Variants in TLR5 observed in about 807,000 individuals in gnomAD.
The protein encoded by TLR5 is toll-like receptor 5.
For missense variants in TLR5, 944 were observed against 999.8 expected, an observed-to-expected ratio of 0.94 and a Z score of 0.75; for synonymous variants, 373 against 384.4, an observed-to-expected ratio of 0.97 and a Z score of 0.35.
At chr1:223,136,644 T>C (rs951663589) in intron 3 of TLR5, among the ~76,000 whole-genome samples, 22 of 152,194 alleles carry the variant, frequency 1.4e-4, no homozygotes, top group African/African-American at 5.3e-4. Context: ...GGACTAAAAG[T>C]GACTTCTGAT....
chr1:223,122,183 T>C (rs1656980888), intron 5 of TLR5, among the ~76,000 whole-genome samples: 2 of 152,144 alleles, frequency 1.3e-5, no homozygotes, highest in Admixed American at 6.5e-5. Context: ...ACATTTAGCA[T>C]TGACACCCCA....
In TLR5 at chr1:223,110,804, T is replaced by C. The variant is rs771610196; in HGVS notation, c.2228A>G (p.Asn743Ser). The C allele has an allele frequency of 5.6e-6, 9 of 1,614,262 alleles. No individual in the cohort carries two copies. Among genetic ancestry groups the C allele is most frequent in the South Asian group, 3.3e-5 (3 of 91,092 alleles). ...DFVPGENRIA[N>S]IQDAIWNSRK... Reference sequence around the variant, plus strand: ...ACTGTTCCAGATGGCATCCTGGATATTGGCAATGCGGTTTTCTCCTGGGAC... The same window carrying C: ...ACTGTTCCAGATGGCATCCTGGATACTGGCAATGCGGTTTTCTCCTGGGAC... The change falls in exon 6 of 6, where the codon AAT (asparagine) becomes AGT (serine). Residue 743 changes from asparagine (N) to serine (S), a missense_variant. Coordinates refer to ENST00000642603, the MANE Select transcript of TLR5 (RefSeq NM_003268.6).
At chr1:223,125,653 T>G (rs1196540210) in intron 5 of TLR5, among the ~76,000 whole-genome samples, 5 of 145,430 alleles carry the variant, frequency 3.4e-5, no homozygotes, top group African/African-American at 1.3e-4. Context: ...GGTGGGGGGG[T>G]GGTGGTGTGC....
chr1:223,110,641 CT>C lies in TLR5; in HGVS notation c.2390del (p.Gln797ArgfsTer4). 1 of 1,614,198 alleles carries C rather than the reference CT, an allele frequency of 6.2e-7. No homozygotes were observed. The highest frequency in any genetic ancestry group is 8.5e-7 in the Non-Finnish European group (1 of 1,180,040). The part of the protein sequence containing the change: ...LIMVVVGSLS[Q>X]YQLMKHQSIR... ...TGGATTGATGTTTCATCAACTGGTA[CT>C]GGGACAAGGACCCAACCACCACCAT... On this transcript the variant is annotated frameshift_variant, in exon 6 of 6. Transcript: ENST00000642603. LOFTEE classifies it low-confidence loss of function (END_TRUNC).
At position 223,110,822 on chromosome 1, in the gene TLR5, C is replaced by G; in HGVS notation, c.2210G>C (p.Gly737Ala). The stretch of plus-strand genomic sequence containing the variant: ...CTGGATATTGGCAATGCGGTTTTCT[C>G]CTGGGACAAAGTCTCTTTCTTCAAA... ...LCFEERDFVPGENRIANIQDA... is the reference protein window; with the variant it reads ...LCFEERDFVPAENRIANIQDA... The change falls in exon 6 of 6, where the codon GGA becomes GCA. Residue 737 changes from glycine (G) to alanine (A), a missense_variant. Coordinates refer to ENST00000642603, the MANE Select transcript of TLR5 (RefSeq NM_003268.6). The G allele has an allele frequency of 6.2e-7, 1 of 1,614,226 alleles. No individual in the cohort carries two copies. The highest frequency in any genetic ancestry group is 1.7e-5 in the Admixed American group (1 of 60,028).
chr1:223,121,332 T>C (rs953978472), intron 5 of TLR5, among the ~76,000 whole-genome samples: 1 of 152,238 alleles, frequency 6.6e-6, no homozygotes, highest in African/African-American at 2.4e-5. Flanking sequence ...GTTACAGCTA[T>C]GAATGTCATT....
At chr1:223,122,198 G>A (rs1656981601) in intron 5 of TLR5, among the ~76,000 whole-genome samples, 2 of 152,104 alleles carry the variant, frequency 1.3e-5, no homozygotes, top group African/African-American at 4.8e-5. Context: ...ACCCCACAGT[G>A]TTCAATAATA....
At chr1:223,114,473 T>C (rs946376372) in intron 5 of TLR5, among the ~76,000 whole-genome samples, 6 of 151,916 alleles carry the variant, frequency 3.9e-5, no homozygotes, top group Admixed American at 6.6e-5. Flanking sequence ...ATGAAAGAAA[T>C]AGGAAGAAGG....
In TLR5 at chr1:223,131,065, C is replaced by T. The variant is rs73118121; in HGVS notation, c.-5+1410G>A. 8.6e-3 allele frequency among the ~76,000 whole-genome samples: 1,308 copies of T among 152,234 alleles called. 14 individuals are homozygous for T. Among genetic ancestry groups the T allele is most frequent in the African/African-American group, 0.03 (1,257 of 41,534 alleles). On this transcript the variant is annotated intron_variant, in intron 5 of 5. Transcript: ENST00000642603. This position sits in a 1 kb window ranked among gnomAD's most constrained non-coding sequence, Gnocchi z 4.2. ...CTGCCTCCCCTCTAGATATGGGAGA[C>T]ACCACCTTGCTAGTCTCCCATAGTA...
intron 5 of TLR5, among the ~76,000 whole-genome samples, chr1:223,121,739 C>T (rs1011872173): frequency 6.6e-6 from 1 of 152,110 alleles, no homozygotes; most frequent in South Asian, 2.1e-4. Context: ...AGAATGGTCT[C>T]GAACTCCTGG....
intron 5 of TLR5, among the ~76,000 whole-genome samples, chr1:223,122,757 C>A (rs1256051009): frequency 6.6e-6 from 1 of 152,158 alleles, no homozygotes; most frequent in South Asian, 2.1e-4. Context: ...CTGATGATAG[C>A]TTTGATCCTT....
At chr1:223,140,026 T>G (rs574460671) in intron 2 of TLR5, among the ~76,000 whole-genome samples, 2 of 152,320 alleles carry the variant, frequency 1.3e-5, no homozygotes, top group South Asian at 4.1e-4. Flanking sequence ...AAAGATCCCT[T>G]AACTCCTATG....
intron 3 of TLR5, among the ~76,000 whole-genome samples, chr1:223,136,679 G>T (rs1657625877): frequency 6.6e-6 from 1 of 152,174 alleles, no homozygotes; most frequent in East Asian, 1.9e-4. Flanking sequence ...GGTCTTCTGA[G>T]TTCAAATCCA....
intron 1 of TLR5, 141 bp downstream of exon 1, chr1:223,143,055 G>A (rs946737495): frequency 6.6e-6 from 1 of 152,130 alleles, no homozygotes; most frequent in Non-Finnish European, 1.5e-5. Context: ...GCGCGAGTTG[G>A]ACATAGACTG....
At chr1:223,124,273 T>G (rs1426615794) in intron 5 of TLR5, among the ~76,000 whole-genome samples, 1 of 151,908 alleles carries the variant, frequency 6.6e-6, no homozygotes, top group Non-Finnish European at 1.5e-5. Flanking sequence ...GTGAAACCTA[T>G]CTCTATTAAA....
At chr1:223,136,110 G>C (rs369574354) in intron 3 of TLR5, among the ~76,000 whole-genome samples, 2 of 152,172 alleles carry the variant, frequency 1.3e-5, no homozygotes, top group Non-Finnish European at 2.9e-5. Context: ...TGGGGGAAGA[G>C]GGGTGGGGTG....
chr1:223,121,082 T>G (rs1342279664), intron 5 of TLR5, among the ~76,000 whole-genome samples: 1 of 152,016 alleles, frequency 6.6e-6, no homozygotes, highest in African/African-American at 2.4e-5. Flanking sequence ...GACCCTGCCT[T>G]GGAAAAAAAA....
chr1:223,133,254 C>T (rs1178982172), intron 4 of TLR5, among the ~76,000 whole-genome samples: 1 of 152,186 alleles, frequency 6.6e-6, no homozygotes, highest in East Asian at 1.9e-4. Context: ...TAAGATCTCA[C>T]ATTTATTACA....
intron 2 of TLR5, among the ~76,000 whole-genome samples, chr1:223,140,492 A>T (rs1254861921): frequency 6.6e-6 from 1 of 150,922 alleles, no homozygotes; most frequent in Non-Finnish European, 1.5e-5. Context: ...GGTTGCAGTG[A>T]GCCAAGATCA....
Sources: allele counts gnomAD v4.1 joint callset (sites outside exome capture counted in the v4.1 genomes callset), GRCh38; gene constraint gnomAD v4.1.1; non-coding constraint Gnocchi (gnomAD v3.1); transcripts MANE v1.5; gene names NCBI Gene and HGNC (gene_info 2026-07-23, HGNC 2026-07-21).